Variants in FGF12 observed in about 807,000 individuals in gnomAD.
FGF12 encodes fibroblast growth factor 12.
FGF12 carries 14 observed loss-of-function variants against 23.6 expected under a neutral mutation model. That is an observed-to-expected ratio of 0.59 (90% CI 0.39 to 0.93). The LOEUF (loss-of-function observed/expected upper bound fraction) is 0.93. Ranked by LOEUF, FGF12 falls within the 40% of genes least tolerant of loss-of-function variation. FGF12 has a pLI of 0.00. For missense variants in FGF12, 175 were observed against 217.8 expected (o/e 0.80, Z 1.24); for synonymous variants, 62 against 77.3 (o/e 0.80, Z 1.04).
intron 2 of FGF12, among the ~76,000 whole-genome samples, chr3:192,433,730 A>G (rs527310221): frequency 1.3e-5 from 2 of 152,246 alleles, no homozygotes; most frequent in Non-Finnish European, 2.9e-5. Context: ...AAACAAACTC[A>G]GTTTCCTTGA....
chr3:192,559,348 G>C (rs1343118105), intron 2 of FGF12, among the ~76,000 whole-genome samples: 1 of 151,950 alleles, frequency 6.6e-6, no homozygotes, highest in African/African-American at 2.4e-5. Context: ...GTCAATAGGT[G>C]TATGAAAACA....
intron 5 of FGF12, among the ~76,000 whole-genome samples, chr3:192,162,498 A>G (rs1714940179): frequency 6.6e-6 from 1 of 152,076 alleles, no homozygotes; most frequent in Non-Finnish European, 1.5e-5. Flanking sequence ...ACATTCAGAA[A>G]CCAGAAAAAA....
Position 192,306,473 on chromosome 3 carries a change from C to T in FGF12, c.228+28888G>A, listed in dbSNP as rs150882542. ...ACTACCAAAAAATTGGTCAAAGAAGCGGGGCATGGTGGCTCACACTTGTAA... is the reference window on the plus strand; with the variant it reads ...ACTACCAAAAAATTGGTCAAAGAAGTGGGGCATGGTGGCTCACACTTGTAA... On this transcript the variant is annotated intron_variant, in intron 4 of 5. Transcript: ENST00000445105. Among the ~76,000 whole-genome samples, 481 of 152,180 alleles carry T rather than the reference C, an allele frequency of 3.2e-3. 1 individual carries two copies. Among genetic ancestry groups the T allele is most frequent in the African/African-American group, 0.011 (436 of 41,512 alleles).
Position 192,318,644 on chromosome 3 carries a change from G to C in FGF12, c.228+16717C>G, listed in dbSNP as rs189155785. ...TTGTTGGCCTTAAGGAGGAAGTAGA[G>C]AGAGAGATCAGAGTAGAAAGTTTAT... On this transcript the variant is annotated intron_variant, in intron 4 of 5. Transcript: ENST00000445105. 2.1e-3 allele frequency among the ~76,000 whole-genome samples: 321 copies of C among 152,168 alleles called. 2 individuals are homozygous for C. Among genetic ancestry groups the C allele is most frequent in the African/African-American group, 7.2e-3 (299 of 41,514 alleles).
At chr3:192,663,626 T>C (rs1716750265) in intron 2 of FGF12, among the ~76,000 whole-genome samples, 1 of 152,180 alleles carries the variant, frequency 6.6e-6, no homozygotes, top group Admixed American at 6.5e-5. Flanking sequence ...GTCAGAGAAG[T>C]CACTTAAAAG....
chr3:192,578,387 G>A (rs1712997359), intron 2 of FGF12, among the ~76,000 whole-genome samples: 1 of 152,200 alleles, frequency 6.6e-6, no homozygotes, highest in South Asian at 2.1e-4. Context: ...ATTTAGTAAA[G>A]CCAGGATTTA....
chr3:192,387,354 T>C (rs1010833524), intron 2 of FGF12, among the ~76,000 whole-genome samples: 1 of 152,202 alleles, frequency 6.6e-6, no homozygotes, highest in Admixed American at 6.5e-5. Context: ...ACCAAAAGTA[T>C]ATCTAGCCAT....
chr3:192,355,706 G>C (rs893212033), intron 3 of FGF12, among the ~76,000 whole-genome samples: 4 of 152,166 alleles, frequency 2.6e-5, no homozygotes, highest in African/African-American at 9.7e-5. Context: ...CTAAGGATGT[G>C]GGTGTAATTC....
chr3:192,472,175 C>T (rs1359602850), intron 2 of FGF12, among the ~76,000 whole-genome samples: 1 of 152,016 alleles, frequency 6.6e-6, no homozygotes, highest in Admixed American at 6.6e-5. Context: ...TGCCACCACG[C>T]CCGGCTAATT....
chr3:192,167,749 A>T (rs1560175525), intron 5 of FGF12, among the ~76,000 whole-genome samples: 5 of 25,468 alleles, frequency 2.0e-4, no homozygotes, highest in African/African-American at 9.5e-4. Context: ...ATATATATAT[A>T]TATATATATA....
At chr3:192,552,848 G>A (rs558901237) in intron 2 of FGF12, among the ~76,000 whole-genome samples, 1 of 152,076 alleles carries the variant, frequency 6.6e-6, no homozygotes, top group South Asian at 2.1e-4. Flanking sequence ...CCGAGATCAT[G>A]CCACTGCACC....
In FGF12 at chr3:192,433,378, T is replaced by A. The variant is rs1035586965; in HGVS notation, c.14-72840A>T. On this transcript the variant is annotated intron_variant, in intron 2 of 5. Coordinates refer to ENST00000445105, the MANE Select transcript of FGF12 (RefSeq NM_004113.6). ...GCTTATATAACTTGGGAAACTCTCC[T>A]TAAAGAAAATAATACAAATTTACAA... 8.5e-5 allele frequency among the ~76,000 whole-genome samples: 13 copies of A among 152,294 alleles called. No homozygotes were observed. The East Asian group carries it at 2.3e-3, about 27-fold the overall frequency.
chr3:192,248,120 C>T (rs1711750169), intron 4 of FGF12, among the ~76,000 whole-genome samples: 1 of 152,134 alleles, frequency 6.6e-6, no homozygotes, highest in African/African-American at 2.4e-5. Flanking sequence ...TCTACTTCCT[C>T]TAGGACAAAT....
At chr3:192,421,550 C>G (rs1721526901) in intron 2 of FGF12, among the ~76,000 whole-genome samples, 1 of 152,058 alleles carries the variant, frequency 6.6e-6, no homozygotes, top group African/African-American at 2.4e-5. Context: ...AAGCATCATT[C>G]TCAGCAAACT....
At position 192,555,630 on chromosome 3, in the gene FGF12, C is replaced by CAAA. The variant is rs11289130; in HGVS notation, c.13+171548_13+171550dup. Among the ~76,000 whole-genome samples the CAAA allele has an allele frequency of 5.4e-3, 454 of 84,010 alleles. 5 individuals are homozygous for CAAA. Among genetic ancestry groups the CAAA allele is most frequent in the African/African-American group, 0.021 (430 of 20,716 alleles). The allele number at this position is 84,010 out of a possible 152,430, so 55.1% of individuals were successfully genotyped here. ...AGACCCTGTCTTTACTAAAAAGTAC[C>CAAA]AAAAAAAAAAAAAAAAAAAAGGCCA... On this transcript the variant is annotated intron_variant, in intron 2 of 5. Coordinates refer to ENST00000445105, the MANE Select transcript of FGF12 (RefSeq NM_004113.6).
intron 2 of FGF12, among the ~76,000 whole-genome samples, chr3:192,483,780 C>G (rs1270992630): frequency 6.6e-6 from 1 of 151,736 alleles, no homozygotes; most frequent in Non-Finnish European, 1.5e-5. Flanking sequence ...AAGCAGTACC[C>G]TAGAAGAAAA....
At chr3:192,365,032 G>GA (rs1044075073) in intron 2 of FGF12, among the ~76,000 whole-genome samples, 5 of 150,896 alleles carry the variant, frequency 3.3e-5, no homozygotes, top group Admixed American at 6.6e-5. Context: ...CTATTCATGA[G>GA]AAAAAAAAAT....
intron 2 of FGF12, among the ~76,000 whole-genome samples, chr3:192,483,405 T>C (rs1723536152): frequency 6.6e-6 from 1 of 152,104 alleles, no homozygotes; most frequent in Admixed American, 6.6e-5. Context: ...AATGAAAACG[T>C]ATTATACAAC....
chr3:192,654,982 C>T (rs140933606), intron 2 of FGF12, among the ~76,000 whole-genome samples: 97 of 152,130 alleles, frequency 6.4e-4, no homozygotes, highest in African/African-American at 2.2e-3. Flanking sequence ...TTCCTTGGAG[C>T]AATGATAAAG....
Sources: allele counts gnomAD v4.1 joint callset (sites outside exome capture counted in the v4.1 genomes callset), GRCh38; gene constraint gnomAD v4.1.1; transcripts MANE v1.5; gene names NCBI Gene and HGNC (gene_info 2026-07-23, HGNC 2026-07-21).